Variants in ABCA13 observed in about 807,000 individuals in gnomAD.
ABCA13 encodes ATP-binding cassette sub-family A member 13.
A neutral mutation model predicts 478.7 loss-of-function variants in ABCA13; 476 were observed. That is an observed-to-expected ratio of 0.99 (90% CI 0.92 to 1.07). The LOEUF (loss-of-function observed/expected upper bound fraction) is 1.07. Ranked by LOEUF, ABCA13 falls within the 50% of genes least tolerant of loss-of-function variation. The pLI is 0.00. For synonymous variants in ABCA13, 2,252 were observed against 2,158.9 expected (o/e 1.04, Z -1.20); for missense variants, 6,060 against 5,910.6 (o/e 1.03, Z -0.83).
chr7:48,421,010 C>G, intron 41 of ABCA13, among the ~76,000 whole-genome samples: 1 of 152,072 alleles, frequency 6.6e-6, no homozygotes, highest in Non-Finnish European at 1.5e-5. Flanking sequence ...CCCTATTTTG[C>G]TGTGATTGGT....
chr7:48,290,854 G>A (rs1360819276), intron 20 of ABCA13, among the ~76,000 whole-genome samples: 1 of 135,280 alleles, frequency 7.4e-6, no homozygotes, highest in Non-Finnish European at 1.5e-5. Flanking sequence ...GCTACAAAAA[G>A]GGATCTCTTT....
At position 48,481,081 on chromosome 7, in the gene ABCA13, C is replaced by G. The variant is rs752764113; in HGVS notation, c.13021C>G (p.Leu4341Val). ...TAGTGCTCCCTACCTGACCAACCAC[C>G]TGGGCCACACACTGTTGAATCTCTC... Reference protein sequence around the residue: ...SASAPYLTNHLGHTLLNLSGF... With the variant: ...SASAPYLTNHVGHTLLNLSGF... Residue 4341 changes from leucine (L) to valine (V), a missense_variant, in exon 46 of 62, where the codon CTG (leucine) becomes GTG (valine). Leu to Val is a conservative substitution (Grantham distance 32). This residue lies in a region of ABCA13 where 1,627 missense variants were observed against 1,571.0 expected (regional missense o/e 1.04). Coordinates refer to ENST00000435803, the MANE Select transcript of ABCA13 (RefSeq NM_152701.5). The G allele has an allele frequency of 6.2e-7, 1 of 1,603,482 alleles. No homozygotes were observed. Among genetic ancestry groups the G allele is most frequent in the Non-Finnish European group, 8.5e-7 (1 of 1,174,896 alleles).
At position 48,276,249 on chromosome 7, in the gene ABCA13, C is replaced by A. The variant is rs754633474; in HGVS notation, c.6583C>A (p.Leu2195Met). ...FLTHLLNQEQ[L>M]TNFSVVQLLF... is the part of the protein sequence containing the mutation. Reference sequence around the variant, plus strand: ...TACCCATCTGCTAAATCAAGAACAGCTGACTAATTTCTCAGTTGTTCAGCT... The same window carrying A: ...TACCCATCTGCTAAATCAAGAACAGATGACTAATTTCTCAGTTGTTCAGCT... The change falls in exon 17 of 62, where the codon CTG becomes ATG. Residue 2195 changes from leucine (L) to methionine (M), a missense_variant. Physicochemically the swap from Leu to Met is conservative, Grantham distance 15. Transcript: ENST00000435803. The A allele has an allele frequency of 7.0e-6, 11 of 1,573,044 alleles. No homozygotes were observed. The highest frequency in any genetic ancestry group is 3.5e-4 in the Middle Eastern group (2 of 5,708).
chr7:48,630,486 A>G (rs1015391922), intron 59 of ABCA13, among the ~76,000 whole-genome samples: 1 of 152,208 alleles, frequency 6.6e-6, no homozygotes, highest in African/African-American at 2.4e-5. Flanking sequence ...TGCAGAAGAC[A>G]CGATCTTGTT....
In ABCA13 at chr7:48,423,659, A is replaced by G. The variant is rs937853761; in HGVS notation, c.12460-4107A>G. ...AGGAGATGTAGATCCCCAAATGAAG[A>G]ATCCCAAAACTTTTGAATTTACTGT... is the stretch of plus-strand genomic sequence containing the variant. On this transcript the variant is annotated intron_variant, in intron 41 of 61. Coordinates refer to ENST00000435803, the MANE Select transcript of ABCA13 (RefSeq NM_152701.5). 2.6e-5 allele frequency among the ~76,000 whole-genome samples: 4 copies of G among 152,172 alleles called. No homozygotes were observed. In the East Asian group the frequency reaches 5.8e-4, roughly 22 times the overall value.
At chr7:48,277,180 C>A (rs189480878) in intron 17 of ABCA13, among the ~76,000 whole-genome samples, 1 of 152,238 alleles carries the variant, frequency 6.6e-6, no homozygotes, top group Admixed American at 6.5e-5. Flanking sequence ...ATTTTGGGGG[C>A]TGGCTGAGTA....
chr7:48,527,789 A>C (rs1398795215), intron 54 of ABCA13, among the ~76,000 whole-genome samples: 1 of 152,218 alleles, frequency 6.6e-6, no homozygotes, highest in Non-Finnish European at 1.5e-5. Flanking sequence ...ACACATACAC[A>C]GACAAACACA....
rs112378304 is a variant in ABCA13 at position 48,225,888 on chromosome 7, A to AT, written c.469-1365dup. On this transcript the variant is annotated intron_variant, in intron 5 of 61. Transcript: ENST00000435803. The stretch of plus-strand genomic sequence containing the variant: ...AAGCACTGAATTTGGCTGGGGATAG[A>AT]TTTTTTTTTCTTTTGCCAGTGGAAT... Among the ~76,000 whole-genome samples the AT allele has an allele frequency of 7.2e-3, 1,091 of 151,582 alleles. 15 individuals are homozygous for AT. The highest frequency in any genetic ancestry group is 0.02 in the African/African-American group (835 of 41,300).
chr7:48,611,866 G>A (rs1792058894), intron 58 of ABCA13: 1 of 152,048 alleles, frequency 6.6e-6, no homozygotes, highest in East Asian at 1.9e-4. Flanking sequence ...TACCTACAGT[G>A]CACCCATAAG....
At chr7:48,565,804 G>T (rs1786997081) in intron 55 of ABCA13, among the ~76,000 whole-genome samples, 1 of 152,224 alleles carries the variant, frequency 6.6e-6, no homozygotes, top group East Asian at 1.9e-4. Context: ...AGTTTCTTTG[G>T]TTTTGGTCAC....
chr7:48,576,455 G>A (rs967556839), intron 55 of ABCA13, among the ~76,000 whole-genome samples: 5 of 152,162 alleles, frequency 3.3e-5, no homozygotes, highest in African/African-American at 4.8e-5. Context: ...TTCAGCAGGA[G>A]TTAATTATAT....
chr7:48,542,801 G>C (rs915052729), intron 55 of ABCA13, among the ~76,000 whole-genome samples: 1 of 151,682 alleles, frequency 6.6e-6, no homozygotes, highest in Non-Finnish European at 1.5e-5. Context: ...AGAGAATAGA[G>C]TAGGCTTTAC....
At chr7:48,494,756 A>C (rs372335394) in intron 48 of ABCA13, among the ~76,000 whole-genome samples, 1 of 152,058 alleles carries the variant, frequency 6.6e-6, no homozygotes, top group East Asian at 1.9e-4. Flanking sequence ...AGAAAATGCC[A>C]GGCTGAGCTG....
chr7:48,597,096 CACCT>C (rs1790371114), intron 58 of ABCA13, among the ~76,000 whole-genome samples: 8 of 151,880 alleles, frequency 5.3e-5, no homozygotes, highest in Admixed American at 5.2e-4. Context: ...GGACTACAGG[CACCT>C]GCCACCAAGC....
chr7:48,624,222 A>G (rs946746335), intron 59 of ABCA13, among the ~76,000 whole-genome samples: 1 of 152,126 alleles, frequency 6.6e-6, no homozygotes, highest in Non-Finnish European at 1.5e-5. Flanking sequence ...GCATCCTCAA[A>G]TCCTCTGCAT....
intron 27 of ABCA13, among the ~76,000 whole-genome samples, chr7:48,319,147 T>A (rs779843531): frequency 1.8e-4 from 27 of 152,128 alleles, no homozygotes; most frequent in South Asian, 4.1e-4. Flanking sequence ...GACGGGAGGA[T>A]TGTGGGCCTG....
chr7:48,587,336 T>C (rs1789287257), intron 57 of ABCA13, 48 bp downstream of exon 57: 23 of 1,525,442 alleles, frequency 1.5e-5, no homozygotes, highest in Non-Finnish European at 1.9e-5. Context: ...ATATTGCATA[T>C]TGATTTATAA....
chr7:48,529,064 A>G (rs1488463420), intron 55 of ABCA13, among the ~76,000 whole-genome samples: 1 of 152,120 alleles, frequency 6.6e-6, no homozygotes, highest in Non-Finnish European at 1.5e-5. Flanking sequence ...GGGAACATTC[A>G]GGGCATGGTG....
At chr7:48,174,757 C>T (rs748220720) in intron 1 of ABCA13, among the ~76,000 whole-genome samples, 8 of 152,084 alleles carry the variant, frequency 5.3e-5, no homozygotes, top group African/African-American at 7.2e-5. Flanking sequence ...AATATTTTTA[C>T]GTAATTAAAG....
Sources: allele counts gnomAD v4.1 joint callset (sites outside exome capture counted in the v4.1 genomes callset), GRCh38; gene constraint gnomAD v4.1.1; regional missense constraint gnomAD v4.1.1; transcripts MANE v1.5; gene names NCBI Gene and HGNC (gene_info 2026-07-23, HGNC 2026-07-21).